The following COL23A1 variants were observed in gnomAD, a reference collection of about 807,000 sequenced individuals.
The protein encoded by COL23A1 is collagen type XXIII alpha 1 chain, also known as collagen alpha-1(XXIII) chain.
COL23A1 carries 97 observed loss-of-function variants against 99.3 expected under a neutral mutation model. The ratio of observed to expected loss-of-function variants is 0.98; its 90% CI spans 0.83 to 1.16. The LOEUF is 1.16. Among genes scored for constraint, COL23A1 ranks in the 50% most tolerant of loss-of-function variants. The probability of loss-of-function intolerance (pLI) is 0.00; values close to 1 mark genes in which losing one functional copy is unlikely to be tolerated. For synonymous variants in COL23A1, 320 were observed against 308.2 expected, an observed-to-expected ratio of 1.04 and a Z score of -0.40; for missense variants, 762 against 757.4, an observed-to-expected ratio of 1.01 and a Z score of -0.07.
Position 178,251,904 on chromosome 5 carries a change from CT to C in COL23A1, c.1014+639del, listed in dbSNP as rs1296189772. Among the ~76,000 whole-genome samples, 416 of 111,176 alleles carry C rather than the reference CT, an allele frequency of 3.7e-3. 4 individuals carry two copies. The highest frequency in any genetic ancestry group is 0.012 in the African/African-American group (390 of 31,728). 72.9% of individuals were successfully genotyped at this position (111,176 alleles called of 152,430 possible). ...TCTTTCTTTCTCTCTCTTTCATTTT[CT>C]TTTCTTTTTTTTTTTTTTTTATTTT... On this transcript the variant is annotated intron_variant, in intron 17 of 28. Transcript: ENST00000390654.
chr5:178,363,948 A>G (rs1561904186), intron 2 of COL23A1, among the ~76,000 whole-genome samples: 1 of 152,134 alleles, frequency 6.6e-6, no homozygotes, highest in Non-Finnish European at 1.5e-5. Flanking sequence ...GCTATGTGGG[A>G]GAACCTCCTA....
chr5:178,385,669 T>C (rs1347306068), intron 2 of COL23A1, among the ~76,000 whole-genome samples: 1 of 152,164 alleles, frequency 6.6e-6, no homozygotes, highest in Non-Finnish European at 1.5e-5. Flanking sequence ...GTTAAGCGCA[T>C]CATCTGCCAC....
At chr5:178,359,044 T>C (rs1257382647) in intron 2 of COL23A1, among the ~76,000 whole-genome samples, 1 of 152,186 alleles carries the variant, frequency 6.6e-6, no homozygotes, top group Non-Finnish European at 1.5e-5. Context: ...GGGTGATCTA[T>C]AAAGACAGAA....
At chr5:178,312,366 A>C (rs1561851421) in intron 2 of COL23A1, among the ~76,000 whole-genome samples, 1 of 152,210 alleles carries the variant, frequency 6.6e-6, no homozygotes, top group Non-Finnish European at 1.5e-5. Flanking sequence ...CAGCATCAGC[A>C]CAGTAAACAA....
chr5:178,354,188 A>G (rs1372508656), intron 2 of COL23A1, among the ~76,000 whole-genome samples: 1 of 151,600 alleles, frequency 6.6e-6, no homozygotes, highest in Non-Finnish European at 1.5e-5. Flanking sequence ...TTATTGAAGT[A>G]TAATTGGCAA....
chr5:178,406,786 A>AT (rs1433288238), intron 2 of COL23A1, among the ~76,000 whole-genome samples: 1 of 152,216 alleles, frequency 6.6e-6, no homozygotes, highest in Non-Finnish European at 1.5e-5. Flanking sequence ...GAGAAAACAC[A>AT]TATGATAGCT....
intron 22 of COL23A1, 50 bp downstream of exon 22, chr5:178,247,476 C>T (rs780227141): frequency 1.1e-5 from 17 of 1,607,894 alleles, no homozygotes; most frequent in Non-Finnish European, 1.4e-5. Context: ...CTCTTGGAAA[C>T]TGCCCAGACG....
intron 2 of COL23A1, among the ~76,000 whole-genome samples, chr5:178,477,775 T>C (rs1156566996): frequency 1.3e-5 from 2 of 152,236 alleles, no homozygotes; most frequent in South Asian, 2.1e-4. Flanking sequence ...GAAAGCCTTG[T>C]TGAAATACAG....
intron 2 of COL23A1, among the ~76,000 whole-genome samples, chr5:178,457,749 T>C (rs915352401): frequency 1.3e-5 from 2 of 152,326 alleles, no homozygotes; most frequent in African/African-American, 2.4e-5. Flanking sequence ...ATGTGTATCA[T>C]GGAATAAAGC....
chr5:178,376,709 AG>A (rs1350513436), intron 2 of COL23A1, among the ~76,000 whole-genome samples: 5 of 152,248 alleles, frequency 3.3e-5, no homozygotes, highest in African/African-American at 9.6e-5. Flanking sequence ...CAGTGGAACC[AG>A]ATGCTTCTTT....
intron 2 of COL23A1, among the ~76,000 whole-genome samples, chr5:178,330,942 T>TC (rs1306699871): frequency 6.6e-6 from 1 of 152,240 alleles, no homozygotes; most frequent in African/African-American, 2.4e-5. Flanking sequence ...CTGAACAAGC[T>TC]CCGCCTTCAC....
chr5:178,503,033 G>A (rs1041362321), intron 2 of COL23A1, among the ~76,000 whole-genome samples: 5 of 152,164 alleles, frequency 3.3e-5, no homozygotes, highest in African/African-American at 4.8e-5. Context: ...CCAGAACAAT[G>A]AGCTTTCTAT....
At chr5:178,419,977 C>G (rs990089235) in intron 2 of COL23A1, among the ~76,000 whole-genome samples, 1 of 152,216 alleles carries the variant, frequency 6.6e-6, no homozygotes, top group African/African-American at 2.4e-5. Context: ...CCCCTGGAGT[C>G]TCTCTGAATC....
At chr5:178,386,844 A>C (rs1395251298) in intron 2 of COL23A1, among the ~76,000 whole-genome samples, 1 of 152,080 alleles carries the variant, frequency 6.6e-6, no homozygotes, top group Non-Finnish European at 1.5e-5. Flanking sequence ...TGGGGAGGTG[A>C]CCTTCTTTTG....
intron 1 of COL23A1, among the ~76,000 whole-genome samples, chr5:178,582,194 G>C (rs1763693805): frequency 8.5e-6 from 1 of 116,982 alleles, no homozygotes. Context: ...GAGACAGGAC[G>C]AGACTCTATC....
intron 2 of COL23A1, among the ~76,000 whole-genome samples, chr5:178,475,906 G>T (rs920072154): frequency 2.6e-5 from 4 of 152,172 alleles, no homozygotes; most frequent in Non-Finnish European, 5.9e-5. Context: ...CTAATTCTTC[G>T]AATTCCTTGG....
chr5:178,472,572 G>A (rs897562113), intron 2 of COL23A1, among the ~76,000 whole-genome samples: 8 of 112,130 alleles, frequency 7.1e-5, no homozygotes, highest in African/African-American at 2.2e-4. Flanking sequence ...TATTAGCAAC[G>A]GCTGCAGCAG....
chr5:178,335,060 C>A (rs1760246580), intron 2 of COL23A1, among the ~76,000 whole-genome samples: 2 of 152,192 alleles, frequency 1.3e-5, no homozygotes, highest in African/African-American at 4.8e-5. Context: ...GGCTGGGGAG[C>A]CTGGTAAGTG....
At chr5:178,375,242 C>T (rs1399545394) in intron 2 of COL23A1, among the ~76,000 whole-genome samples, 2 of 145,590 alleles carry the variant, frequency 1.4e-5, no homozygotes, top group Non-Finnish European at 3.0e-5. Context: ...AAAGTAGACT[C>T]GTGGTTGGCA....
Sources: gnomAD v4.1 joint callset for allele counts (sites outside exome capture counted in the v4.1 genomes callset) on GRCh38, gnomAD v4.1.1 for gene constraint, MANE v1.5 for transcripts, NCBI Gene and HGNC (gene_info 2026-07-23, HGNC 2026-07-21) for gene names.